Variants in SH3GL2 observed in about 807,000 individuals in gnomAD.
SH3GL2 encodes the protein endophilin-A1.
Under a neutral mutation model 46.0 loss-of-function variants are expected in SH3GL2, and 24 were observed. The ratio of observed to expected loss-of-function variants is 0.52; its 90% confidence interval spans 0.38 to 0.73. The LOEUF is 0.73. SH3GL2 is among the 30% of genes least tolerant of loss of function. The pLI is 0.00. For missense variants in SH3GL2, 413 were observed against 424.2 expected (o/e 0.97, Z 0.23); for synonymous variants, 196 against 147.1 (o/e 1.33, Z -2.40).
chr9:17,637,884 C>T (rs1024301854), intron 1 of SH3GL2, among the ~76,000 whole-genome samples: 3 of 152,074 alleles, frequency 2.0e-5, no homozygotes, highest in Admixed American at 6.5e-5. Flanking sequence ...CAGCCGGGCG[C>T]GGTGGCTCAA....
At chr9:17,616,626 C>T (rs997693121) in intron 1 of SH3GL2, among the ~76,000 whole-genome samples, 6 of 152,004 alleles carry the variant, frequency 3.9e-5, no homozygotes, top group African/African-American at 1.4e-4. Context: ...TGAAATCATG[C>T]AGGGGAACAA....
At chr9:17,753,041 C>G (rs903846865) in intron 2 of SH3GL2, among the ~76,000 whole-genome samples, 25 of 152,212 alleles carry the variant, frequency 1.6e-4, no homozygotes, top group African/African-American at 5.3e-4. Context: ...AACCTGCTCT[C>G]TCTCTTTTAT....
In SH3GL2 at chr9:17,797,052, T is replaced by A. The variant is rs1282805490; in HGVS notation, c.*1309T>A. On this transcript the variant is annotated 3_prime_UTR_variant, in exon 9 of 9. Coordinates refer to ENST00000380607, the MANE Select transcript of SH3GL2 (RefSeq NM_003026.5). ...TGGATCATGTGGAGTGAAAGGCAAA[T>A]CTTACTGCTTAATGTATAAACTCTC... The A allele has an allele frequency of 6.6e-6, 1 of 152,626 alleles. No individual in the cohort carries two copies. 9.5% of individuals were successfully genotyped at this position (152,626 alleles called of 1,614,324 possible).
intron 4 of SH3GL2, among the ~76,000 whole-genome samples, chr9:17,786,845 G>T (rs1823972785): frequency 6.6e-6 from 1 of 152,050 alleles, no homozygotes; most frequent in South Asian, 2.1e-4. Flanking sequence ...GAGTGAGCAG[G>T]CACAGTCAGC....
chr9:17,693,403 C>G (rs1283973642), intron 1 of SH3GL2, among the ~76,000 whole-genome samples: 1 of 152,110 alleles, frequency 6.6e-6, no homozygotes, highest in Non-Finnish European at 1.5e-5. Context: ...AACTAAATAT[C>G]CAACTTCTAC....
At chr9:17,755,324 C>A (rs567516008) in intron 2 of SH3GL2, among the ~76,000 whole-genome samples, 11 of 152,278 alleles carry the variant, frequency 7.2e-5, no homozygotes, top group Non-Finnish European at 1.6e-4. Context: ...CCTTGCATCC[C>A]AGGGATAAAG....
chr9:17,658,611 A>T (rs1820144529), intron 1 of SH3GL2, among the ~76,000 whole-genome samples: 1 of 152,284 alleles, frequency 6.6e-6, no homozygotes, highest in Non-Finnish European at 1.5e-5. Flanking sequence ...TAGCAATTTT[A>T]AACTTAAACT....
Position 17,795,713 on chromosome 9 carries a change from T to C in SH3GL2, c.1029T>C (p.Tyr343=), listed in dbSNP as rs2131198742. The change falls in exon 9 of 9, where the codon TAT becomes TAC. Residue 343 remains tyrosine, a synonymous_variant. Coordinates refer to ENST00000380607, the MANE Select transcript of SH3GL2 (RefSeq NM_003026.5). ...ATTCAGGCTTCTTCCCCATCAATTATGTGGAAATTCTGGTTGCCCTGCCCC... is the reference window on the plus strand; with the variant it reads ...ATTCAGGCTTCTTCCCCATCAATTACGTGGAAATTCTGGTTGCCCTGCCCC... The part of the protein sequence containing the change: ...HGHSGFFPIN[Y]VEILVALPH The C allele has an allele frequency of 6.2e-7, 1 of 1,614,004 alleles. No individual in the cohort carries two copies. The highest frequency in any genetic ancestry group is 1.1e-5 in the South Asian group (1 of 91,068).
intron 1 of SH3GL2, among the ~76,000 whole-genome samples, chr9:17,706,359 T>C (rs149381875): frequency 1.8e-3 from 274 of 152,226 alleles, no homozygotes; most frequent in African/African-American, 5.9e-3. Context: ...TTTTATGCTT[T>C]CCTAATTTAA....
chr9:17,620,766 G>A (rs1819120499), intron 1 of SH3GL2, among the ~76,000 whole-genome samples: 1 of 152,160 alleles, frequency 6.6e-6, no homozygotes, highest in Non-Finnish European at 1.5e-5. Context: ...TAGGTATCTT[G>A]GTATGAGTGA....
intron 1 of SH3GL2, among the ~76,000 whole-genome samples, chr9:17,655,330 C>G (rs1820048933): frequency 6.6e-6 from 1 of 152,146 alleles, no homozygotes; most frequent in Non-Finnish European, 1.5e-5. Context: ...CTCCCTCTTC[C>G]TGTGCCCAAC....
intron 1 of SH3GL2, among the ~76,000 whole-genome samples, chr9:17,597,490 C>T (rs1337952588): frequency 4.0e-5 from 6 of 151,206 alleles, no homozygotes; most frequent in Non-Finnish European, 8.8e-5. Context: ...GCACTCCAGC[C>T]TGGGCGACAG....
chr9:17,633,104 G>A (rs998019242), intron 1 of SH3GL2, among the ~76,000 whole-genome samples: 17 of 152,164 alleles, frequency 1.1e-4, no homozygotes, highest in Non-Finnish European at 2.9e-5. Context: ...CACTTTGCCA[G>A]CTAAGGCTTT....
chr9:17,662,884 A>G (rs1307584394), intron 1 of SH3GL2, among the ~76,000 whole-genome samples: 1 of 151,578 alleles, frequency 6.6e-6, no homozygotes, highest in Non-Finnish European at 1.5e-5. Context: ...TCATTTTTGT[A>G]TTTTTTAGTA....
At chr9:17,675,417 A>G (rs557560703) in intron 1 of SH3GL2, among the ~76,000 whole-genome samples, 19 of 152,228 alleles carry the variant, frequency 1.2e-4, no homozygotes, top group African/African-American at 4.1e-4. Flanking sequence ...TAAAGTTCAC[A>G]TAAAGCTAAA....
At chr9:17,776,526 C>A (rs1013132002) in intron 3 of SH3GL2, among the ~76,000 whole-genome samples, 1 of 152,064 alleles carries the variant, frequency 6.6e-6, no homozygotes, top group African/African-American at 2.4e-5. Flanking sequence ...GAGACACACA[C>A]ACAAAAATGC....
chr9:17,738,615 C>A (rs1223852355), intron 1 of SH3GL2, among the ~76,000 whole-genome samples: 1 of 56,346 alleles, frequency 1.8e-5, no homozygotes, highest in Non-Finnish European at 3.6e-5. Flanking sequence ...AAGGAATTGC[C>A]TCATGTGATT....
intron 2 of SH3GL2, among the ~76,000 whole-genome samples, chr9:17,750,996 C>T (rs1822824239): frequency 6.6e-6 from 1 of 152,178 alleles, no homozygotes; most frequent in Admixed American, 6.5e-5. Flanking sequence ...GGCGTCTGAG[C>T]TAAATCCTGA....
At position 17,695,648 on chromosome 9, in the gene SH3GL2, C is replaced by T. The variant is rs187652633; in HGVS notation, c.46-51418C>T. Among the ~76,000 whole-genome samples, 312 of 151,740 alleles carry T rather than the reference C, an allele frequency of 2.1e-3. 2 individuals carry two copies. Among genetic ancestry groups the T allele is most frequent in the African/African-American group, 7.2e-3 (296 of 41,136 alleles). Reference sequence around the variant, plus strand: ...AAAGCCCTTTCTGTATTGATGCTCCCGGGTGGTAGTGGGTTGGATGGCCAT... The same window carrying T: ...AAAGCCCTTTCTGTATTGATGCTCCTGGGTGGTAGTGGGTTGGATGGCCAT... On this transcript the variant is annotated intron_variant, in intron 1 of 8. Coordinates refer to ENST00000380607, the MANE Select transcript of SH3GL2 (RefSeq NM_003026.5).
Sources: allele counts gnomAD v4.1 joint callset (sites outside exome capture counted in the v4.1 genomes callset), GRCh38; gene constraint gnomAD v4.1.1; transcripts MANE v1.5; gene names NCBI Gene and HGNC (gene_info 2026-07-23, HGNC 2026-07-21).